Variants in TMEM236 observed in about 807,000 individuals in gnomAD.
The protein encoded by TMEM236 is family with sequence similarity 23, member A.
A neutral mutation model predicts 14.7 loss-of-function variants in TMEM236; 11 were observed. The ratio of observed to expected loss-of-function variants is 0.75; its 90% CI spans 0.47 to 1.24. The LOEUF (loss-of-function observed/expected upper bound fraction) is 1.24. Ranked by LOEUF, TMEM236 falls within the 50% of genes most tolerant of loss-of-function variation. TMEM236 has a pLI of 0.00. For missense variants in TMEM236, 464 were observed against 427.3 expected, an observed-to-expected ratio of 1.09 and a Z score of -0.76; for synonymous variants, 182 against 168.6, an observed-to-expected ratio of 1.08 and a Z score of -0.62.
intron 1 of TMEM236, among the ~76,000 whole-genome samples, chr10:17,756,797 T>A (rs1837291093): frequency 6.6e-6 from 1 of 152,086 alleles, no homozygotes; most frequent in African/African-American, 2.4e-5. Flanking sequence ...CCCATTCTCC[T>A]GGGGCAATTG....
intron 3 of TMEM236, among the ~76,000 whole-genome samples, chr10:17,788,578 C>G (rs1281742111): frequency 1.3e-4 from 20 of 148,862 alleles, no homozygotes; most frequent in East Asian, 7.8e-4. Flanking sequence ...TAGCAAGACC[C>G]CATCTCTACA....
chr10:17,771,418 G>A, intron 2 of TMEM236, 37 bp downstream of exon 2: 1 of 1,580,368 alleles, frequency 6.3e-7, no homozygotes, highest in Non-Finnish European at 8.7e-7. Context: ...ACAAGATTAT[G>A]AGATTTTATA....
intron 3 of TMEM236, among the ~76,000 whole-genome samples, chr10:17,781,699 T>C (rs1010998416): frequency 7.2e-6 from 1 of 139,162 alleles, no homozygotes; most frequent in Non-Finnish European, 1.5e-5. Context: ...TGAGCTGAGA[T>C]GGTACCACTG....
chr10:17,791,960 G>A (rs957862472), intron 3 of TMEM236, among the ~76,000 whole-genome samples: 1 of 152,162 alleles, frequency 6.6e-6, no homozygotes, highest in East Asian at 1.9e-4. Context: ...GGCTTGGTAC[G>A]GCACTCTCAT....
chr10:17,759,982 C>CAAAAAAAAA (rs35596189), intron 1 of TMEM236, among the ~76,000 whole-genome samples: 1 of 54,700 alleles, frequency 1.8e-5, no homozygotes, highest in African/African-American at 7.3e-5. Context: ...GACTCCGTCT[C>CAAAAAAAAA]AAAAAAAAAA....
At chr10:17,765,170 C>G (rs1199272853) in intron 1 of TMEM236, among the ~76,000 whole-genome samples, 1 of 151,986 alleles carries the variant, frequency 6.6e-6, no homozygotes, top group Non-Finnish European at 1.5e-5. Flanking sequence ...TCAGAGTCTC[C>G]CCTTACACCC....
At position 17,797,109 on chromosome 10, in the gene TMEM236, T is replaced by G. The variant is rs1175353771; in HGVS notation, c.*605T>G. 1 of 156,972 alleles carries G rather than the reference T, an allele frequency of 6.4e-6. No homozygotes were observed. The highest frequency in any genetic ancestry group is 2.4e-5 in the African/African-American group (1 of 41,464). 9.7% of individuals were successfully genotyped at this position (156,972 alleles called of 1,614,324 possible). ...TGCCAAAAAGGTTGGGGACCACTGA[T>G]GTATACCACGCTTTTTCTAAGAATA... On this transcript the variant is annotated 3_prime_UTR_variant, in exon 4 of 4. Transcript: ENST00000377495.
rs2131736800 is a variant in TMEM236, at chr10:17,752,452, T to C, written c.157T>C (p.Cys53Arg). ...DNTHYWLIIS[C>R]SIAYVALVTL... is the part of the protein sequence containing the mutation. ...CACACACTACTGGCTGATCATCTCCTGTTCTATTGCCTATGTTGCGTTAGT... is the reference window on the plus strand; with the variant it reads ...CACACACTACTGGCTGATCATCTCCCGTTCTATTGCCTATGTTGCGTTAGT... Residue 53 changes from cysteine to arginine, a missense_variant, in exon 1 of 4, where the codon TGT becomes CGT. By Grantham distance (180) the Cys-to-Arg change is radical. Coordinates refer to ENST00000377495, the MANE Select transcript of TMEM236 (RefSeq NM_001098844.3). The C allele has an allele frequency of 6.2e-7, 1 of 1,614,026 alleles. No individual in the cohort carries two copies. The highest frequency in any genetic ancestry group is 2.2e-5 in the East Asian group (1 of 44,886).
intron 3 of TMEM236, among the ~76,000 whole-genome samples, chr10:17,776,394 A>G (rs1837659479): frequency 6.6e-6 from 1 of 152,248 alleles, no homozygotes; most frequent in Non-Finnish European, 1.5e-5. Context: ...GTACTGATAA[A>G]TTAAAAATTA....
chr10:17,765,553 A>G (rs1220520955), intron 1 of TMEM236, among the ~76,000 whole-genome samples: 3 of 152,192 alleles, frequency 2.0e-5, no homozygotes, highest in Non-Finnish European at 2.9e-5. Context: ...ACAAAAAGTT[A>G]CTTGCTTCCC....
chr10:17,764,896 G>A (rs1377333846), intron 1 of TMEM236, among the ~76,000 whole-genome samples: 2 of 147,574 alleles, frequency 1.4e-5, no homozygotes, highest in South Asian at 2.2e-4. Flanking sequence ...GCAGTGGTGC[G>A]ATCTTGGCTC....
intron 3 of TMEM236, among the ~76,000 whole-genome samples, chr10:17,787,340 C>T (rs1478164342): frequency 6.6e-6 from 1 of 152,236 alleles, no homozygotes; most frequent in Non-Finnish European, 1.5e-5. Context: ...GGTCCCCAGC[C>T]TGTGCTGCCA....
At chr10:17,768,108 T>TTTTTTTTTTTTTTTTTTTTTTG (rs1837503857) in intron 1 of TMEM236, among the ~76,000 whole-genome samples, 1 of 145,690 alleles carries the variant, frequency 6.9e-6, no homozygotes. Context: ...TTTTTTTTTT[T>TTTTTTTTTTTTTTTTTTTTTTG]GTAGAGACGA....
intron 1 of TMEM236, among the ~76,000 whole-genome samples, chr10:17,760,028 C>G (rs1437928508): frequency 1.4e-5 from 2 of 147,004 alleles, no homozygotes; most frequent in Non-Finnish European, 3.0e-5. Flanking sequence ...CCCGAGGGAG[C>G]CTTGAGCACC....
At position 17,752,208 on chromosome 10, in the gene TMEM236, T is replaced by G; in HGVS notation, c.-88T>G. The G allele has an allele frequency of 6.2e-7, 1 of 1,608,276 alleles. No homozygotes were observed. Among genetic ancestry groups the G allele is most frequent in the Non-Finnish European group, 8.5e-7 (1 of 1,175,696 alleles). ...GGTTAGCGATTCGAGGACAAGGAAC[T>G]TGATCCCAGTTCAGTGTCTGTGGGT... On this transcript the variant is annotated 5_prime_UTR_variant, in exon 1 of 4. Coordinates refer to ENST00000377495, the MANE Select transcript of TMEM236 (RefSeq NM_001098844.3).
intron 1 of TMEM236, among the ~76,000 whole-genome samples, chr10:17,762,872 C>T (rs1051090633): frequency 9.9e-5 from 15 of 151,496 alleles, no homozygotes; most frequent in African/African-American, 3.4e-4. Context: ...CGGCTGGTCT[C>T]GAACTCCTGA....
chr10:17,755,486 T>G (rs1837272558), intron 1 of TMEM236, among the ~76,000 whole-genome samples: 1 of 152,140 alleles, frequency 6.6e-6, no homozygotes, highest in Non-Finnish European at 1.5e-5. Flanking sequence ...CCAGGAGACT[T>G]TCATTTTCCC....
intron 3 of TMEM236, among the ~76,000 whole-genome samples, chr10:17,784,434 A>G (rs2477659): frequency 0.25 from 38,041 of 152,060 alleles, 6,065 homozygotes; most frequent in African/African-American, 0.44. Flanking sequence ...GATGAACTGA[A>G]TCAGGATCTC....
At chr10:17,776,967 ATGCTAG>A (rs1837667745) in intron 3 of TMEM236, among the ~76,000 whole-genome samples, 1 of 152,184 alleles carries the variant, frequency 6.6e-6, no homozygotes, top group African/African-American at 2.4e-5. Flanking sequence ...CAATATTTGT[ATGCTAG>A]TTACTGTGTG....
Sources: gnomAD v4.1 joint callset for allele counts (sites outside exome capture counted in the v4.1 genomes callset) on GRCh38, gnomAD v4.1.1 for gene constraint, MANE v1.5 for transcripts, NCBI Gene and HGNC (gene_info 2026-07-23, HGNC 2026-07-21) for gene names.